NFASC: variants seen among roughly 807,000 people sequenced by gnomAD.
The protein encoded by NFASC is neurofascin.
Under a neutral mutation model 147.5 loss-of-function variants are expected in NFASC, and 43 were observed. The ratio of observed to expected loss-of-function variants is 0.29; its 90% CI spans 0.23 to 0.38. The LOEUF (loss-of-function observed/expected upper bound fraction) is 0.38, where lower values mean the gene tolerates loss of function less well. Among genes scored for constraint, NFASC ranks in the 10% least tolerant of loss-of-function variants. The pLI, the probability that NFASC is intolerant of heterozygous loss-of-function variation, is 1.00. For synonymous variants in NFASC, 622 were observed against 665.5 expected (o/e 0.93, Z 1.01); for missense variants, 1,320 against 1,689.0 (o/e 0.78, Z 3.83).
At chr1:204,951,163 T>TTA (rs1243875879) in intron 4 of NFASC, among the ~76,000 whole-genome samples, 1 of 151,028 alleles carries the variant, frequency 6.6e-6, no homozygotes, top group African/African-American at 2.4e-5. Flanking sequence ...TTTTTTTTTT[T>TTA]TTTTTTATGG....
Position 204,954,196 on chromosome 1 carries a change from G to A in NFASC, c.224G>A (p.Trp75Ter). The part of the protein sequence containing the change: ...AKGNPAPSFH[W>*]TRNSRFFNIA... ...CTCCCCACTCTCCACAGCTTCCACTGGACACGAAACAGCAGATTCTTCAAC... is the reference window on the plus strand; with the variant it reads ...CTCCCCACTCTCCACAGCTTCCACTAGACACGAAACAGCAGATTCTTCAAC... Residue 75 changes from tryptophan (W) to a stop codon, truncating the protein, a stop_gained, in exon 6 of 30, where the codon TGG (tryptophan) becomes TAG (stop). Transcript: ENST00000339876. LOFTEE classifies it high-confidence loss of function. The surrounding 1 kb of genome is among the most constrained non-coding windows in gnomAD (Gnocchi z 5.7). 6.2e-7 allele frequency: 1 copy of A among 1,614,176 alleles called. No individual in the cohort carries two copies. Among genetic ancestry groups the A allele is most frequent in the Non-Finnish European group, 8.5e-7 (1 of 1,180,016 alleles).
chr1:204,972,167 C>T (rs753417389), intron 11 of NFASC, among the ~76,000 whole-genome samples: 1 of 152,192 alleles, frequency 6.6e-6, no homozygotes, highest in Non-Finnish European at 1.5e-5. Context: ...GGCTGGCTAT[C>T]TGTGGAGTGG....
At chr1:204,878,875 C>T (rs572120861) in intron 1 of NFASC, among the ~76,000 whole-genome samples, 14 of 152,354 alleles carry the variant, frequency 9.2e-5, no homozygotes, top group African/African-American at 2.4e-4. Context: ...GGTTACTGAA[C>T]ACCATCCAGG....
At chr1:204,982,904 A>G (rs2095537222) in intron 21 of NFASC, among the ~76,000 whole-genome samples, 1 of 152,202 alleles carries the variant, frequency 6.6e-6, no homozygotes, top group South Asian at 2.1e-4. Flanking sequence ...TGGCATTCCT[A>G]ACAGTGAGAT....
intron 1 of NFASC, among the ~76,000 whole-genome samples, chr1:204,867,451 G>T (rs1272143939): frequency 1.4e-5 from 2 of 142,292 alleles, no homozygotes; most frequent in African/African-American, 2.7e-5. Context: ...TACACAATCC[G>T]TAAACCCAAG....
chr1:204,888,163 C>A lies in NFASC; in HGVS notation c.-199-32469C>A, dbSNP rs572755544. ...ACCAGTTTCCATCCATATTTGTCTC[C>A]CTCTTTGCCTTTGGGCAGTTATCTG... On this transcript the variant is annotated intron_variant, in intron 1 of 29. Transcript: ENST00000339876. Among the ~76,000 whole-genome samples the A allele has an allele frequency of 6.8e-4, 103 of 152,300 alleles. 1 individual carries two copies. The highest frequency in any genetic ancestry group is 4.1e-3 in the South Asian group (20 of 4,822).
At chr1:204,971,056 G>A (rs542624348) in intron 11 of NFASC, among the ~76,000 whole-genome samples, 1 of 152,226 alleles carries the variant, frequency 6.6e-6, no homozygotes, top group East Asian at 1.9e-4. Context: ...CCAGTTGATG[G>A]CCTGGGGACT....
rs187989406 is a variant in NFASC, at chr1:204,954,115, G to A, written c.216-73G>A. On this transcript the variant is annotated intron_variant, in intron 5 of 29. Transcript: ENST00000339876. The surrounding 1 kb of genome is among the most constrained non-coding windows in gnomAD (Gnocchi z 5.7). ...ATTTTGGTACTGAGCCAGGGACTAG[G>A]GATCTGAGATCTGCCTGGAGCCCAG... 44 of 1,384,610 alleles carry A rather than the reference G, an allele frequency of 3.2e-5. No individual in the cohort carries two copies. In the African/African-American group the frequency reaches 5.8e-4, roughly 18 times the overall value. 85.8% of individuals were successfully genotyped at this position (1,384,610 alleles called of 1,614,324 possible). A position where few individuals can be genotyped will look rare whatever the true frequency, so the allele number is the denominator to read the frequency against.
At chr1:204,980,463 G>A (rs1228287869) in intron 20 of NFASC, 23 bp downstream of exon 20, 3 of 1,586,970 alleles carry the variant, frequency 1.9e-6, no homozygotes, top group Admixed American at 1.7e-5. Context: ...CCCAGCCCCA[G>A]TGGAGCAGCT....
rs1195233618 is a variant in NFASC, at chr1:205,002,665, C to T, written c.3206C>T (p.Pro1069Leu). ...CCTATACAGCTGACAGACCTCTATC[C>T]CGGGATGACATACACGTTGCGGGTT... is the stretch of plus-strand genomic sequence containing the variant. Reference protein sequence around the residue: ...AQPIQLTDLYPGMTYTLRVYS... With the variant: ...AQPIQLTDLYLGMTYTLRVYS... The change falls in exon 27 of 30, where the codon CCC (proline) becomes CTC (leucine). Residue 1069 changes from proline to leucine, a missense_variant. Physicochemically the swap from Pro to Leu is moderately conservative, Grantham distance 98 (BLOSUM62 -3). Transcript: ENST00000339876. The T allele has an allele frequency of 6.3e-7, 1 of 1,588,364 alleles. No homozygotes were observed. The highest frequency in any genetic ancestry group is 8.6e-7 in the Non-Finnish European group (1 of 1,160,824).
At chr1:204,956,137 C>CA (rs1323082369) in intron 7 of NFASC, among the ~76,000 whole-genome samples, 1 of 152,238 alleles carries the variant, frequency 6.6e-6, no homozygotes, top group Non-Finnish European at 1.5e-5. Context: ...TTTCTGTCCT[C>CA]ACTGACATCT....
At chr1:204,996,938 G>A (rs747435741) in intron 24 of NFASC, among the ~76,000 whole-genome samples, 1 of 152,098 alleles carries the variant, frequency 6.6e-6, no homozygotes, top group African/African-American at 2.4e-5. Flanking sequence ...TTCGAGCCAC[G>A]CAGACCATGA....
At chr1:204,894,858 C>T (rs1441554958) in intron 1 of NFASC, among the ~76,000 whole-genome samples, 1 of 152,180 alleles carries the variant, frequency 6.6e-6, no homozygotes, top group Admixed American at 6.5e-5. Flanking sequence ...ATTTGGACAC[C>T]ATCCCTGGCT....
chr1:204,890,024 T>C (rs1245842110), intron 1 of NFASC, among the ~76,000 whole-genome samples: 1 of 152,202 alleles, frequency 6.6e-6, no homozygotes. Context: ...AGTCATCAAA[T>C]GAGACCAAAA....
In NFASC at chr1:204,944,305, A is replaced by G; in HGVS notation, c.-11A>G. Reference sequence around the variant, plus strand: ...GTGCTGGGGAGCAGGGAGCAGGGCCAGGTGCCGAGGATGGCCAGGCAGCCA... The same window carrying G: ...GTGCTGGGGAGCAGGGAGCAGGGCCGGGTGCCGAGGATGGCCAGGCAGCCA... On this transcript the variant is annotated 5_prime_UTR_variant, in exon 3 of 30. Transcript: ENST00000339876. 6.2e-7 allele frequency: 1 copy of G among 1,612,836 alleles called. No homozygotes were observed. Among genetic ancestry groups the G allele is most frequent in the Non-Finnish European group, 8.5e-7 (1 of 1,179,620 alleles).
intron 1 of NFASC, among the ~76,000 whole-genome samples, chr1:204,843,309 G>C (rs1675915422): frequency 1.3e-5 from 2 of 152,140 alleles, no homozygotes; most frequent in Non-Finnish European, 1.5e-5. Context: ...TATTGAGATG[G>C]TTAATCCACT....
At chr1:204,850,304 C>T (rs533466816) in intron 1 of NFASC, among the ~76,000 whole-genome samples, 2 of 152,120 alleles carry the variant, frequency 1.3e-5, no homozygotes, top group Non-Finnish European at 2.9e-5. Context: ...TTATTTAGTA[C>T]CTTGTCCCAT....
chr1:204,921,149 C>T (rs1448653900), intron 2 of NFASC, among the ~76,000 whole-genome samples: 2 of 152,180 alleles, frequency 1.3e-5, no homozygotes, highest in Admixed American at 6.5e-5. Context: ...CTGCCCTGGG[C>T]GGGGCATTGG....
intron 1 of NFASC, among the ~76,000 whole-genome samples, chr1:204,868,753 G>A (rs535285660): frequency 6.6e-6 from 1 of 152,288 alleles, no homozygotes; most frequent in Non-Finnish European, 1.5e-5. Context: ...GAGCATGGGG[G>A]CAGCTACCCT....
Sources: gnomAD v4.1 joint callset for allele counts (sites outside exome capture counted in the v4.1 genomes callset) on GRCh38, gnomAD v4.1.1 for gene constraint, Gnocchi (gnomAD v3.1) non-coding constraint, MANE v1.5 for transcripts, NCBI Gene and HGNC (gene_info 2026-07-23, HGNC 2026-07-21) for gene names.